RILP: variants seen among roughly 807,000 people sequenced by gnomAD.
RILP encodes the protein Rab interacting lysosomal protein.
A neutral mutation model predicts 40.0 loss-of-function variants in RILP; 53 were observed. That is an observed-to-expected ratio of 1.32 (90% CI 1.06 to 1.66). The LOEUF (loss-of-function observed/expected upper bound fraction) is 1.66, where lower values mean the gene tolerates loss of function less well. Among genes scored for constraint, RILP ranks in the 40% most tolerant of loss-of-function variants. The pLI is 0.00. For missense variants in RILP, 626 were observed against 551.7 expected (o/e 1.13, Z -1.35); for synonymous variants, 272 against 250.6 (o/e 1.09, Z -0.80).
Position 1,646,873 on chromosome 17 carries a change from C to T in RILP, c.1028+33G>A, listed in dbSNP as rs535869108. 1.1e-4 allele frequency: 165 copies of T among 1,502,588 alleles called. No homozygotes were observed. In the East Asian group the frequency reaches 3.7e-3, roughly 34 times the overall value. The allele number at this position is 1,502,588 out of a possible 1,614,324, so 93.1% of individuals were successfully genotyped here. ...CCAGCCAGGGCCCTTCCTCCCTCCCCACACTCTTGCCTTTCCCCTTTCCCC... is the reference window on the plus strand; with the variant it reads ...CCAGCCAGGGCCCTTCCTCCCTCCCTACACTCTTGCCTTTCCCCTTTCCCC... On this transcript the variant is annotated intron_variant, in intron 7 of 7. Coordinates refer to ENST00000301336, the MANE Select transcript of RILP (RefSeq NM_031430.3). This position sits in a 1 kb window ranked among gnomAD's most constrained non-coding sequence, Gnocchi z 4.3.
In RILP at chr17:1,646,788, T is replaced by C; in HGVS notation, c.1028+118A>G. 2 of 1,074,492 alleles carry C rather than the reference T, an allele frequency of 1.9e-6. No individual in the cohort carries two copies. Among genetic ancestry groups the C allele is most frequent in the Non-Finnish European group, 2.7e-6 (2 of 743,662 alleles). 66.6% of individuals were successfully genotyped at this position (1,074,492 alleles called of 1,614,324 possible). A position where few individuals can be genotyped will look rare whatever the true frequency, so the allele number is the denominator to read the frequency against. On this transcript the variant is annotated intron_variant, in intron 7 of 7. Coordinates refer to ENST00000301336, the MANE Select transcript of RILP (RefSeq NM_031430.3). This position sits in a 1 kb window ranked among gnomAD's most constrained non-coding sequence, Gnocchi z 4.3. ...AGAGAAGCAGGAGGGGACGGTGTGC[T>C]TAGAGCCAAGCACAGCAGGGTGACG...
At position 1,648,652 on chromosome 17, in the gene RILP, G is replaced by A. The variant is rs1293637051; in HGVS notation, c.675+147C>T. The A allele has an allele frequency of 7.2e-7, 1 of 1,395,842 alleles. No individual in the cohort carries two copies. The highest frequency in any genetic ancestry group is 1.5e-5 in the South Asian group (1 of 67,242). The allele number at this position is 1,395,842 out of a possible 1,614,324, so 86.5% of individuals were successfully genotyped here. A position where few individuals can be genotyped will look rare whatever the true frequency, so the allele number is the denominator to read the frequency against. ...AGCAGTGCTCCAGCTGAGAGCGGGGGCCGAGGCCGGCCGGGGGCGCAGATC... is the reference window on the plus strand; with the variant it reads ...AGCAGTGCTCCAGCTGAGAGCGGGGACCGAGGCCGGCCGGGGGCGCAGATC... On this transcript the variant is annotated intron_variant, in intron 4 of 7. Coordinates refer to ENST00000301336, the MANE Select transcript of RILP (RefSeq NM_031430.3). This position sits in a 1 kb window ranked among gnomAD's most constrained non-coding sequence, Gnocchi z 4.9.
chr17:1,649,814 A>C lies in RILP; in HGVS notation c.-10T>G, dbSNP rs759244856. The C allele has an allele frequency of 6.5e-7, 1 of 1,532,032 alleles. No homozygotes were observed. Among genetic ancestry groups the C allele is most frequent in the Non-Finnish European group, 8.7e-7 (1 of 1,144,690 alleles). 94.9% of individuals were successfully genotyped at this position (1,532,032 alleles called of 1,614,324 possible). Reference sequence around the variant, plus strand: ...CCCTCCTGGGCTCCATGTCTCCCAGAGGCTTAGGGCTGCGACCCCCCCACC... The same window carrying C: ...CCCTCCTGGGCTCCATGTCTCCCAGCGGCTTAGGGCTGCGACCCCCCCACC... On this transcript the variant is annotated 5_prime_UTR_variant, in exon 1 of 8. Transcript: ENST00000301336. The surrounding 1 kb of genome is among the most constrained non-coding windows in gnomAD (Gnocchi z 4.3).
At position 1,646,322 on chromosome 17, in the gene RILP, T is replaced by C; in HGVS notation, c.*120A>G. The stretch of plus-strand genomic sequence containing the variant: ...CAGAGACGTAGAGAGGGAGGCGGGC[T>C]GAGACCCCGTCCTGCCCTGATGCAG... On this transcript the variant is annotated 3_prime_UTR_variant, in exon 8 of 8. Coordinates refer to ENST00000301336, the MANE Select transcript of RILP (RefSeq NM_031430.3). This position sits in a 1 kb window ranked among gnomAD's most constrained non-coding sequence, Gnocchi z 4.3. The C allele has an allele frequency of 1.0e-6, 1 of 957,684 alleles. No homozygotes were observed. The highest frequency in any genetic ancestry group is 1.5e-6 in the Non-Finnish European group (1 of 659,302). The allele number at this position is 957,684 out of a possible 1,614,324, so 59.3% of individuals were successfully genotyped here. A position where few individuals can be genotyped will look rare whatever the true frequency, so the allele number is the denominator to read the frequency against.
Position 1,646,519 on chromosome 17 carries a change from A to C in RILP, c.1129T>G (p.Ser377Ala). The C allele has an allele frequency of 6.2e-7, 1 of 1,613,342 alleles. No homozygotes were observed. The highest frequency in any genetic ancestry group is 2.2e-5 in the East Asian group (1 of 44,844). Residue 377 changes from serine to alanine, a missense_variant, in exon 8 of 8, where the codon TCT becomes GCT. Coordinates refer to ENST00000301336, the MANE Select transcript of RILP (RefSeq NM_031430.3). The surrounding 1 kb of genome is among the most constrained non-coding windows in gnomAD (Gnocchi z 4.3). ...GAACAGGGCGGATCAGGAGCTGGAG[A>C]CTGTGGTTGGGCCTCCTCTTCTCCC... ...LGGEEEAQPQSPAPDPPCSAL... is the reference protein window; with the variant it reads ...LGGEEEAQPQAPAPDPPCSAL...
In RILP at chr17:1,649,286, G is replaced by T. The variant is rs751227474; in HGVS notation, c.343C>A (p.Gln115Lys). ...TGTCGGTCCGTGACCTCCTTGAGCT[G>T]CCGCAGCAGCGCGCGCTCCTCTGAG... ...GPQEERALLR[Q>K]LKEVTDRQRD... The change falls in exon 3 of 8, where the codon CAG (glutamine) becomes AAG (lysine). Residue 115 changes from glutamine (Q) to lysine (K), a missense_variant. Physicochemically the swap from Gln to Lys is moderately conservative, Grantham distance 53. Coordinates refer to ENST00000301336, the MANE Select transcript of RILP (RefSeq NM_031430.3). The surrounding 1 kb of genome is among the most constrained non-coding windows in gnomAD (Gnocchi z 4.3). 134 of 1,505,028 alleles carry T rather than the reference G, an allele frequency of 8.9e-5. 1 individual carries two copies. In the East Asian group the frequency reaches 3.6e-3, roughly 40 times the overall value. 93.2% of individuals were successfully genotyped at this position (1,505,028 alleles called of 1,614,324 possible).
chr17:1,649,215 G>A lies in RILP; in HGVS notation c.414C>T (p.Gly138=). ...RAHNRDLRQR[G]QETEALQEQL... ...CCGCCCTCACCGCCTCGGTCTCCTGGCCGCGCTGCCGCAGGTCGCGGTTGT... is the reference window on the plus strand; with the variant it reads ...CCGCCCTCACCGCCTCGGTCTCCTGACCGCGCTGCCGCAGGTCGCGGTTGT... The change falls in exon 3 of 8, where the codon GGC becomes GGT. Residue 138 remains glycine (G), a synonymous_variant. Coordinates refer to ENST00000301336, the MANE Select transcript of RILP (RefSeq NM_031430.3). This position sits in a 1 kb window ranked among gnomAD's most constrained non-coding sequence, Gnocchi z 4.3. 1 of 1,482,326 alleles carries A rather than the reference G, an allele frequency of 6.7e-7. No individual in the cohort carries two copies. Among genetic ancestry groups the A allele is most frequent in the Non-Finnish European group, 8.9e-7 (1 of 1,123,312 alleles). The allele number at this position is 1,482,326 out of a possible 1,614,324, so 91.8% of individuals were successfully genotyped here.
At chr17:1,647,251 T>C (rs1910657903) in intron 6 of RILP, among the ~76,000 whole-genome samples, 1 of 152,110 alleles carries the variant, frequency 6.6e-6, no homozygotes, top group Admixed American at 6.5e-5. Flanking sequence ...GCGATTCTCC[T>C]GCCGCAGCCT....
chr17:1,649,475 C>G lies in RILP; in HGVS notation c.259G>C (p.Glu87Gln), dbSNP rs1255197250. ...TTCTCCTCCCGCAGCCGCCGCAGCT[C>G]CTGCTCCGCCGGCTGCGCCGACACC... ...LQVSAQPAEQ[E>Q]LRRLREENER... Residue 87 changes from glutamate to glutamine, a missense_variant, in exon 2 of 8, where the codon GAG becomes CAG. Physicochemically the swap from Glu to Gln is conservative, Grantham distance 29. Transcript: ENST00000301336. The surrounding 1 kb of genome is among the most constrained non-coding windows in gnomAD (Gnocchi z 4.3). The G allele has an allele frequency of 9.9e-6, 15 of 1,512,370 alleles. No homozygotes were observed. The highest frequency in any genetic ancestry group is 1.3e-5 in the Non-Finnish European group (15 of 1,138,488). 93.7% of individuals were successfully genotyped at this position (1,512,370 alleles called of 1,614,324 possible). A position where few individuals can be genotyped will look rare whatever the true frequency, so the allele number is the denominator to read the frequency against.
Position 1,646,537 on chromosome 17 carries a change from C to T in RILP, c.1111G>A (p.Glu371Lys). The change falls in exon 8 of 8, where the codon GAG becomes AAG. Residue 371 changes from glutamate (E) to lysine (K), a missense_variant. By Grantham distance (56) the Glu-to-Lys change is moderately conservative. Transcript: ENST00000301336. The surrounding 1 kb of genome is among the most constrained non-coding windows in gnomAD (Gnocchi z 4.3). ...SPAPSKLGGE[E>K]EAQPQSPAPD... Reference sequence around the variant, plus strand: ...GCTGGAGACTGTGGTTGGGCCTCCTCTTCTCCCCCTAGCTTGCTGGGTGCA... The same window carrying T: ...GCTGGAGACTGTGGTTGGGCCTCCTTTTCTCCCCCTAGCTTGCTGGGTGCA... 1 of 1,613,562 alleles carries T rather than the reference C, an allele frequency of 6.2e-7. No homozygotes were observed. Among genetic ancestry groups the T allele is most frequent in the African/African-American group, 1.3e-5 (1 of 75,044 alleles).
chr17:1,647,144 AT>A (rs890909713), intron 6 of RILP, among the ~76,000 whole-genome samples, 155 bp from the exon 7 acceptor site: 142 of 145,468 alleles, frequency 9.8e-4, no homozygotes, highest in Admixed American at 8.9e-4. Context: ...TTAATTTTTA[AT>A]TTTTTTTTTT....
In RILP at chr17:1,648,340, G is replaced by T. The variant is rs1381066543; in HGVS notation, c.821+10C>A. 6.2e-7 allele frequency: 1 copy of T among 1,611,872 alleles called. No homozygotes were observed. Among genetic ancestry groups the T allele is most frequent in the South Asian group, 1.1e-5 (1 of 90,694 alleles). ...TGATCGGAGGCCCCCCGGCTTCCCA[G>T]CGTCCTCACCGCTGGAAGTAGGCCA... is the stretch of plus-strand genomic sequence containing the variant. On this transcript the variant is annotated intron_variant, in intron 5 of 7. Transcript: ENST00000301336. The surrounding 1 kb of genome is among the most constrained non-coding windows in gnomAD (Gnocchi z 4.9).
Position 1,646,911 on chromosome 17 carries a change from C to T in RILP, c.1023G>A (p.Gln341=). Residue 341 remains glutamine, a synonymous_variant, in exon 7 of 8, where the codon CAG becomes CAA. Coordinates refer to ENST00000301336, the MANE Select transcript of RILP (RefSeq NM_031430.3). This position sits in a 1 kb window ranked among gnomAD's most constrained non-coding sequence, Gnocchi z 4.3. ...TTCCCCTTTCCCCAACATACAAACTCTGTATTTTGGACTCCGGGGGTGGGG... is the reference window on the plus strand; with the variant it reads ...TTCCCCTTTCCCCAACATACAAACTTTGTATTTTGGACTCCGGGGGTGGGG... The part of the protein sequence containing the change: ...DHPPPPESKI[Q]SFFGLWYRGK... 1 of 1,599,826 alleles carries T rather than the reference C, an allele frequency of 6.3e-7. No individual in the cohort carries two copies. The highest frequency in any genetic ancestry group is 8.5e-7 in the Non-Finnish European group (1 of 1,172,238).
Position 1,646,535 on chromosome 17 carries a change from C to T in RILP, c.1113G>A (p.Glu371=). 1.2e-6 allele frequency: 2 copies of T among 1,613,528 alleles called. No individual in the cohort carries two copies. The highest frequency in any genetic ancestry group is 1.1e-5 in the South Asian group (1 of 90,970). The change falls in exon 8 of 8, where the codon GAG becomes GAA. Residue 371 remains glutamate (E), a synonymous_variant. Coordinates refer to ENST00000301336, the MANE Select transcript of RILP (RefSeq NM_031430.3). The surrounding 1 kb of genome is among the most constrained non-coding windows in gnomAD (Gnocchi z 4.3). The part of the protein sequence containing the change: ...SPAPSKLGGE[E]EAQPQSPAPD... Reference sequence around the variant, plus strand: ...GAGCTGGAGACTGTGGTTGGGCCTCCTCTTCTCCCCCTAGCTTGCTGGGTG... The same window carrying T: ...GAGCTGGAGACTGTGGTTGGGCCTCTTCTTCTCCCCCTAGCTTGCTGGGTG...
chr17:1,649,072 G>A lies in RILP; in HGVS notation c.430-28C>T. 3.8e-5 allele frequency: 8 copies of A among 209,402 alleles called. No homozygotes were observed. The highest frequency in any genetic ancestry group is 5.6e-5 in the Non-Finnish European group (6 of 108,082). The allele number at this position is 209,402 out of a possible 1,614,324, so 13.0% of individuals were successfully genotyped here. On this transcript the variant is annotated intron_variant, in intron 3 of 7. Coordinates refer to ENST00000301336, the MANE Select transcript of RILP (RefSeq NM_031430.3). The surrounding 1 kb of genome is among the most constrained non-coding windows in gnomAD (Gnocchi z 4.3). ...GGGAGCGGAGCAAAGGGTGGGGTGG[G>A]CGGGGCACCGAGGGCCCCCCGGAGC...
At chr17:1,647,128 G>T (rs530087060) in intron 6 of RILP, 139 bp from the exon 7 acceptor site, 3 of 461,644 alleles carry the variant, frequency 6.5e-6, no homozygotes, top group African/African-American at 6.1e-5. Context: ...GCAGGATGTC[G>T]AGCCTTTAAT....
At chr17:1,647,166 G>T (rs1348006677) in intron 6 of RILP, among the ~76,000 whole-genome samples, 177 bp from the exon 7 acceptor site, 3 of 151,830 alleles carry the variant, frequency 2.0e-5, no homozygotes, top group Admixed American at 6.6e-5. Context: ...TTGAGACAGG[G>T]TCTCACTCTG....
At position 1,646,603 on chromosome 17, in the gene RILP, G is replaced by T. The variant is rs200277401; in HGVS notation, c.1045C>A (p.Arg349=). Reference sequence around the variant, plus strand: ...TCCTCAGAGGATTCAGCTTTACCCCGATACCATAGGCCAAAGCTGGAGAGA... The same window carrying T: ...TCCTCAGAGGATTCAGCTTTACCCCTATACCATAGGCCAAAGCTGGAGAGA... ...KIQSFFGLWY[R]GKAESSEDET... is the part of the protein sequence containing the mutation. The change falls in exon 8 of 8, where the codon CGG becomes AGG. Residue 349 remains arginine (R), a synonymous_variant. Transcript: ENST00000301336. This position sits in a 1 kb window ranked among gnomAD's most constrained non-coding sequence, Gnocchi z 4.3. 1.3e-6 allele frequency: 2 copies of T among 1,584,540 alleles called. No homozygotes were observed. Among genetic ancestry groups the T allele is most frequent in the Admixed American group, 1.8e-5 (1 of 54,218 alleles).
In RILP at chr17:1,648,990, G is replaced by A; in HGVS notation, c.484C>T (p.Leu162=). ...LLVNAELRHK[L]AAMQTQLRAA... is the part of the protein sequence containing the mutation. Reference sequence around the variant, plus strand: ...CGCAGCTGGGTCTGCATGGCCGCCAGCTTGTGCCGCAGCTCAGCGTTCACC... The same window carrying A: ...CGCAGCTGGGTCTGCATGGCCGCCAACTTGTGCCGCAGCTCAGCGTTCACC... The change falls in exon 4 of 8, where the codon CTG becomes TTG. Residue 162 remains leucine (L), a synonymous_variant. Transcript: ENST00000301336. The surrounding 1 kb of genome is among the most constrained non-coding windows in gnomAD (Gnocchi z 4.9). The A allele has an allele frequency of 6.8e-7, 1 of 1,479,420 alleles. No individual in the cohort carries two copies. The highest frequency in any genetic ancestry group is 8.9e-7 in the Non-Finnish European group (1 of 1,120,478). The allele number at this position is 1,479,420 out of a possible 1,614,324, so 91.6% of individuals were successfully genotyped here. A position where few individuals can be genotyped will look rare whatever the true frequency, so the allele number is the denominator to read the frequency against.
Sources: allele counts gnomAD v4.1 joint callset (sites outside exome capture counted in the v4.1 genomes callset), GRCh38; gene constraint gnomAD v4.1.1; non-coding constraint Gnocchi (gnomAD v3.1); transcripts MANE v1.5; gene names NCBI Gene and HGNC (gene_info 2026-07-23, HGNC 2026-07-21).